Variants in FHIT observed in about 807,000 individuals in gnomAD.
FHIT encodes bis(5'-adenosyl)-triphosphatase.
FHIT carries 19 observed loss-of-function variants against 17.9 expected under a neutral mutation model. The ratio of observed to expected loss-of-function variants is 1.06; its 90% CI spans 0.74 to 1.56. FHIT has a LOEUF of 1.56. Among genes scored for constraint, FHIT ranks in the 40% most tolerant of loss-of-function variants. The pLI, the probability that FHIT is intolerant of heterozygous loss-of-function variation, is 0.00. For synonymous variants in FHIT, 81 were observed against 69.7 expected, an observed-to-expected ratio of 1.16 and a Z score of -0.81; for missense variants, 248 against 189.2, an observed-to-expected ratio of 1.31 and a Z score of -1.82.
chr3:60,349,904 T>C (rs757300208), intron 5 of FHIT, among the ~76,000 whole-genome samples: 4 of 152,174 alleles, frequency 2.6e-5, no homozygotes, highest in Non-Finnish European at 4.4e-5. Context: ...CCTAGTTATG[T>C]TGACATCTGT....
Position 59,933,137 on chromosome 3 carries a change from G to A in FHIT, c.280-10723C>T, listed in dbSNP as rs13098599. Among the ~76,000 whole-genome samples, 1,384 of 152,182 alleles carry A rather than the reference G, an allele frequency of 9.1e-3. 6 individuals are homozygous for A. The highest frequency in any genetic ancestry group is 0.012 in the Non-Finnish European group (821 of 68,004). On this transcript the variant is annotated intron_variant, in intron 7 of 9. Transcript: ENST00000492590. ...TAAATGCATCACCCACTATTCTGAG[G>A]CTGTCAGTTGAAAGATGTGAATGAG...
intron 7 of FHIT, among the ~76,000 whole-genome samples, chr3:59,979,538 AT>A (rs886501177): frequency 5.9e-5 from 9 of 152,082 alleles, no homozygotes; most frequent in Admixed American, 5.9e-4. Flanking sequence ...CCTTGGGGAC[AT>A]TTTTTTTCCT....
chr3:61,045,006 C>A (rs2886256), intron 2 of FHIT, among the ~76,000 whole-genome samples: 1 of 151,848 alleles, frequency 6.6e-6, no homozygotes, highest in Non-Finnish European at 1.5e-5. Context: ...AAGGAACAAC[C>A]AGTACCAGCC....
Position 60,160,825 on chromosome 3 carries a change from T to TGAGA in FHIT, c.104-146674_104-146673insTCTC, listed in dbSNP as rs1479731734. ...GAGAATGAGAGCATGTGTGTGAGTG[T>TGAGA]GACAGAGAGAGAGAGAGAGAGAGAG... On this transcript the variant is annotated intron_variant, in intron 5 of 9. Transcript: ENST00000492590. Among the ~76,000 whole-genome samples, 87 of 124,958 alleles carry TGAGA rather than the reference T, an allele frequency of 7.0e-4. 1 individual carries two copies. The highest frequency in any genetic ancestry group is 2.2e-3 in the African/African-American group (80 of 35,772). 82.0% of individuals were successfully genotyped at this position (124,958 alleles called of 152,430 possible). A position where few individuals can be genotyped will look rare whatever the true frequency, so the allele number is the denominator to read the frequency against.
chr3:59,848,482 G>A (rs1701806548), intron 8 of FHIT, among the ~76,000 whole-genome samples: 1 of 151,946 alleles, frequency 6.6e-6, no homozygotes, highest in African/African-American at 2.4e-5. Context: ...GGGGATTTTT[G>A]AGCAATTTCA....
chr3:60,408,772 T>C (rs369607156), intron 5 of FHIT, among the ~76,000 whole-genome samples: 144 of 152,284 alleles, frequency 9.5e-4, no homozygotes, highest in Middle Eastern at 3.4e-3. Context: ...GACTTTAATA[T>C]TGATTAAGTT....
chr3:59,809,105 A>G (rs1700315892), intron 8 of FHIT, among the ~76,000 whole-genome samples: 1 of 152,260 alleles, frequency 6.6e-6, no homozygotes, highest in Non-Finnish European at 1.5e-5. Context: ...TAAATAGTTA[A>G]GGAACACATA....
Position 61,214,134 on chromosome 3 carries a change from A to G in FHIT, c.-212-13469T>C, listed in dbSNP as rs371635250. On this transcript the variant is annotated intron_variant, in intron 1 of 9. Coordinates refer to ENST00000492590, the MANE Select transcript of FHIT (RefSeq NM_002012.4). ...GAGCAAACGCATTCAAAAGCTAGCA[A>G]AAGGCAAGAAATAACTAAAATCAGA... is the stretch of plus-strand genomic sequence containing the variant. Among the ~76,000 whole-genome samples the G allele has an allele frequency of 1.1e-4, 17 of 152,090 alleles. No individual in the cohort carries two copies. In the South Asian group the frequency reaches 2.9e-3, roughly 26 times the overall value.
At chr3:60,041,190 TGACCCGACAGAAGGAGACTTGCA>T (rs1701423908) in intron 5 of FHIT, among the ~76,000 whole-genome samples, 1 of 152,198 alleles carries the variant, frequency 6.6e-6, no homozygotes, top group African/African-American at 2.4e-5. Flanking sequence ...GATCCTGACA[TGACCCGACAGAAGGAGACTTGCA>T]GATCCAACTG....
chr3:61,226,748 T>C (rs908501940), intron 1 of FHIT, among the ~76,000 whole-genome samples: 1 of 152,242 alleles, frequency 6.6e-6, no homozygotes, highest in African/African-American at 2.4e-5. Context: ...TGTCCATACA[T>C]ACACAAATGC....
chr3:60,173,104 G>A (rs984854291), intron 5 of FHIT, among the ~76,000 whole-genome samples: 5 of 152,080 alleles, frequency 3.3e-5, no homozygotes, highest in African/African-American at 4.8e-5. Flanking sequence ...CTATGAGCAC[G>A]GCATTGGACC....
chr3:60,552,091 AT>A (rs2036579693), intron 4 of FHIT, among the ~76,000 whole-genome samples: 1 of 152,092 alleles, frequency 6.6e-6, no homozygotes, highest in Admixed American at 6.5e-5. Flanking sequence ...CATACGATAT[AT>A]AGCCTTTTAT....
intron 5 of FHIT, among the ~76,000 whole-genome samples, chr3:60,392,155 GA>G (rs1445573417): frequency 6.6e-6 from 1 of 152,134 alleles, no homozygotes; most frequent in Non-Finnish European, 1.5e-5. Flanking sequence ...TAACATGTCT[GA>G]GTAGGATCTA....
chr3:60,479,144 G>A (rs2033487202), intron 5 of FHIT, among the ~76,000 whole-genome samples: 2 of 152,192 alleles, frequency 1.3e-5, no homozygotes, highest in African/African-American at 4.8e-5. Context: ...TTCTCTGCAA[G>A]TATGATCACA....
intron 4 of FHIT, among the ~76,000 whole-genome samples, chr3:60,703,588 AAAATG>A (rs2041298944): frequency 6.6e-6 from 1 of 152,204 alleles, no homozygotes; most frequent in African/African-American, 2.4e-5. Context: ...TCCACATATG[AAAATG>A]AAATTAGCAT....
At chr3:59,968,034 A>T (rs756393461) in intron 7 of FHIT, among the ~76,000 whole-genome samples, 3 of 152,152 alleles carry the variant, frequency 2.0e-5, no homozygotes, top group Non-Finnish European at 4.4e-5. Context: ...AAGCAAGAGT[A>T]ATATAGTAAT....
At chr3:60,106,974 T>C (rs907178427) in intron 5 of FHIT, among the ~76,000 whole-genome samples, 8 of 152,222 alleles carry the variant, frequency 5.3e-5, no homozygotes, top group African/African-American at 7.2e-5. Context: ...AGCCTTCCCA[T>C]TGTCTGTATA....
chr3:60,495,504 G>A (rs1002230034), intron 5 of FHIT, among the ~76,000 whole-genome samples: 1 of 151,860 alleles, frequency 6.6e-6, no homozygotes, highest in African/African-American at 2.4e-5. Flanking sequence ...AAAAGGCAGT[G>A]ACAAATATCC....
chr3:59,859,968 C>G (rs748152589), intron 8 of FHIT, among the ~76,000 whole-genome samples: 2 of 152,046 alleles, frequency 1.3e-5, no homozygotes, highest in Non-Finnish European at 1.5e-5. Flanking sequence ...GGAAGGTAAT[C>G]AAACACCTGA....
Sources: gnomAD v4.1 joint callset for allele counts (sites outside exome capture counted in the v4.1 genomes callset) on GRCh38, gnomAD v4.1.1 for gene constraint, MANE v1.5 for transcripts, NCBI Gene and HGNC (gene_info 2026-07-23, HGNC 2026-07-21) for gene names.